The following ERLIN1 variants were observed in gnomAD, a reference collection of about 807,000 sequenced individuals.
ERLIN1 encodes the protein erlin-1.
A neutral mutation model predicts 46.9 loss-of-function variants in ERLIN1; 24 were observed. That is an observed-to-expected ratio of 0.51 (90% confidence interval 0.37 to 0.72). The LOEUF (loss-of-function observed/expected upper bound fraction) is 0.72, where lower values mean the gene tolerates loss of function less well. Ranked by LOEUF, ERLIN1 falls within the 30% of genes least tolerant of loss-of-function variation. The pLI, the probability that ERLIN1 is intolerant of heterozygous loss-of-function variation, is 0.00. For synonymous variants in ERLIN1, 158 were observed against 143.2 expected, an observed-to-expected ratio of 1.10 and a Z score of -0.74; for missense variants, 293 against 417.9, an observed-to-expected ratio of 0.70 and a Z score of 2.61.
intron 3 of ERLIN1, 30 bp downstream of exon 3, chr10:100,179,171 G>C (rs780722623): frequency 3.1e-5 from 48 of 1,557,822 alleles, no homozygotes; most frequent in Middle Eastern, 3.3e-4. Context: ...CTGAGCTAAA[G>C]GGAGGCTCGT....
chr10:100,157,609 G>A (rs10509741), intron 8 of ERLIN1, among the ~76,000 whole-genome samples: 37,764 of 152,034 alleles, frequency 0.25, 8,341 homozygotes, highest in African/African-American at 0.58. Context: ...TTTACGAACT[G>A]CTCCAGGAGA....
intron 8 of ERLIN1, 121 bp from the exon 9 acceptor site, chr10:100,156,355 C>G: frequency 1.5e-6 from 1 of 651,306 alleles, no homozygotes; most frequent in Non-Finnish European, 2.8e-6. Context: ...CTAATTGTTT[C>G]ACTAAGTTTT....
At chr10:100,158,447 G>C (rs1357444087) in intron 8 of ERLIN1, among the ~76,000 whole-genome samples, 3 of 151,984 alleles carry the variant, frequency 2.0e-5, no homozygotes, top group Non-Finnish European at 4.4e-5. Context: ...GTTTAGAATT[G>C]TAGGCTAAAT....
chr10:100,161,416 A>G (rs1410429704), intron 8 of ERLIN1, among the ~76,000 whole-genome samples: 2 of 152,230 alleles, frequency 1.3e-5, no homozygotes, highest in South Asian at 2.1e-4. Context: ...AAATTATGAC[A>G]CTTTTTAAAA....
chr10:100,159,917 A>G (rs987224146), intron 8 of ERLIN1, among the ~76,000 whole-genome samples: 1 of 151,898 alleles, frequency 6.6e-6, no homozygotes, highest in Admixed American at 6.6e-5. Flanking sequence ...TGTAAATAAT[A>G]TAATTTAAAC....
chr10:100,155,455 T>G (rs535183356), intron 9 of ERLIN1, among the ~76,000 whole-genome samples: 1 of 150,562 alleles, frequency 6.6e-6, no homozygotes, highest in Non-Finnish European at 1.5e-5. Flanking sequence ...CCAATTAATT[T>G]TGTTTTTTTT....
At chr10:100,163,854 T>C in intron 8 of ERLIN1, 150 bp downstream of exon 8, 1 of 604,172 alleles carries the variant, frequency 1.7e-6, no homozygotes, top group Non-Finnish European at 2.9e-6. Context: ...TTAAAGGCTT[T>C]AGAACATCTG....
Position 100,151,755 on chromosome 10 carries a change from GAGCA to G in ERLIN1, c.*372_*375del. The G allele has an allele frequency of 1.2e-5, 4 of 323,932 alleles. No homozygotes were observed. The highest frequency in any genetic ancestry group is 8.0e-5 in the South Asian group (3 of 37,320). 20.1% of individuals were successfully genotyped at this position (323,932 alleles called of 1,614,324 possible). A position where few individuals can be genotyped will look rare whatever the true frequency, so the allele number is the denominator to read the frequency against. On this transcript the variant is annotated 3_prime_UTR_variant, in exon 11 of 11. Transcript: ENST00000421367. ...CTCAGTCATCTCTTGAATGGTGGCT[GAGCA>G]TACATTTCCCCGGGGGACGAATGTA...
chr10:100,167,979 T>C (rs1843740170), intron 6 of ERLIN1, among the ~76,000 whole-genome samples: 1 of 152,248 alleles, frequency 6.6e-6, no homozygotes, highest in South Asian at 2.1e-4. Flanking sequence ...ATATTCTTTC[T>C]TCCTTAACTC....
At chr10:100,167,276 T>C in intron 7 of ERLIN1, 72 bp downstream of exon 7, 1 of 1,091,728 alleles carries the variant, frequency 9.2e-7, no homozygotes, top group Non-Finnish European at 1.4e-6. Flanking sequence ...CTCACATGTT[T>C]CCTCTAGACT....
intron 6 of ERLIN1, among the ~76,000 whole-genome samples, chr10:100,168,935 C>T (rs1179225664): frequency 2.0e-5 from 3 of 152,128 alleles, no homozygotes; most frequent in African/African-American, 4.8e-5. Flanking sequence ...CCAACCACCT[C>T]GGCCTCCCAA....
rs1842748620 is a variant in ERLIN1 at position 100,150,522 on chromosome 10, T to C, written c.*1609A>G. 6.5e-6 allele frequency: 1 copy of C among 152,678 alleles called. No homozygotes were observed. 9.5% of individuals were successfully genotyped at this position (152,678 alleles called of 1,614,324 possible). On this transcript the variant is annotated 3_prime_UTR_variant, in exon 11 of 11. Coordinates refer to ENST00000421367, the MANE Select transcript of ERLIN1 (RefSeq NM_006459.4). ...ACACAAAATTCATTTATAAAGAGAA[T>C]TTATAGAATTAAATGAGCAAAAATG...
rs374110373 is a variant in ERLIN1, at chr10:100,156,177, T to A, written c.713A>T (p.Lys238Ile). ...KIRFQQKVME[K>I]ETEKRISEIE... ...TTCAGAAATGCGCTTTTCAGTTTCT[T>A]TTTCCATCACTTTCTGCTGAAACCG... Residue 238 changes from lysine (K) to isoleucine (I), a missense_variant, in exon 9 of 11, where the codon AAA becomes ATA. Physicochemically the swap from Lys to Ile is moderately radical, Grantham distance 102 (BLOSUM62 -3). Around this residue, in one of 3 missense-constraint regions of ERLIN1, gnomAD observed 148 missense variants for 266.5 expected, o/e 0.56. Coordinates refer to ENST00000421367, the MANE Select transcript of ERLIN1 (RefSeq NM_006459.4). 1.4e-5 allele frequency: 23 copies of A among 1,613,344 alleles called. No homozygotes were observed. In the African/African-American group the frequency reaches 2.8e-4, roughly 20 times the overall value.
At chr10:100,156,318 A>G in intron 8 of ERLIN1, 84 bp from the exon 9 acceptor site, 1 of 775,394 alleles carries the variant, frequency 1.3e-6, no homozygotes, top group South Asian at 1.5e-5. Flanking sequence ...ACACAGTCTA[A>G]CATTTAATTA....
At chr10:100,177,161 AC>A (rs1243662409) in intron 4 of ERLIN1, among the ~76,000 whole-genome samples, 1 of 152,134 alleles carries the variant, frequency 6.6e-6, no homozygotes, top group East Asian at 1.9e-4. Flanking sequence ...ATTAATAAAT[AC>A]TTAATGACTA....
intron 6 of ERLIN1, among the ~76,000 whole-genome samples, chr10:100,170,980 G>A (rs564529644): frequency 1.3e-5 from 2 of 152,304 alleles, no homozygotes; most frequent in East Asian, 3.9e-4. Context: ...AGTAATTACC[G>A]CTGTTACCCA....
At chr10:100,170,049 G>A (rs1344606427) in intron 6 of ERLIN1, among the ~76,000 whole-genome samples, 1 of 152,070 alleles carries the variant, frequency 6.6e-6, no homozygotes, top group East Asian at 1.9e-4. Flanking sequence ...ACATGTATAT[G>A]ACCACTTAGG....
chr10:100,150,906 T>A lies in ERLIN1; in HGVS notation c.*1225A>T, dbSNP rs1842770874. ...CTCATGGAAAATTAAATTCACTGGC[T>A]GCCCAGGACGTCAGTGGAATCCTGA... On this transcript the variant is annotated 3_prime_UTR_variant, in exon 11 of 11. Coordinates refer to ENST00000421367, the MANE Select transcript of ERLIN1 (RefSeq NM_006459.4). 6.6e-6 allele frequency: 1 copy of A among 152,224 alleles called. No individual in the cohort carries two copies. The highest frequency in any genetic ancestry group is 2.1e-4 in the South Asian group (1 of 4,826). 9.4% of individuals were successfully genotyped at this position (152,224 alleles called of 1,614,324 possible). A position where few individuals can be genotyped will look rare whatever the true frequency, so the allele number is the denominator to read the frequency against.
chr10:100,152,872 A>G (rs1842881038), intron 10 of ERLIN1, among the ~76,000 whole-genome samples: 1 of 151,370 alleles, frequency 6.6e-6, no homozygotes, highest in Non-Finnish European at 1.5e-5. Flanking sequence ...TTTTCTGGAG[A>G]TGAGATCTCA....
Sources: allele counts gnomAD v4.1 joint callset (sites outside exome capture counted in the v4.1 genomes callset), GRCh38; gene constraint gnomAD v4.1.1; regional missense constraint gnomAD v4.1.1; transcripts MANE v1.5; gene names NCBI Gene and HGNC (gene_info 2026-07-23, HGNC 2026-07-21).